The following POT1 variants were observed in gnomAD, a reference collection of about 807,000 sequenced individuals.
POT1 encodes the protein protection of telomeres protein 1.
Under a neutral mutation model 78.5 loss-of-function variants are expected in POT1, and 47 were observed. The ratio of observed to expected loss-of-function variants is 0.60; its 90% CI spans 0.47 to 0.76. The LOEUF (loss-of-function observed/expected upper bound fraction) is 0.76, where lower values mean the gene tolerates loss of function less well. POT1 is among the 30% of genes least tolerant of loss of function. The pLI is 0.00. For synonymous variants in POT1, 259 were observed against 260.7 expected, an observed-to-expected ratio of 0.99 and a Z score of 0.06; for missense variants, 646 against 749.9, an observed-to-expected ratio of 0.86 and a Z score of 1.62.
chr7:124,830,235 TTGAA>T (rs760035847), intron 15 of POT1, among the ~76,000 whole-genome samples: 98 of 152,368 alleles, frequency 6.4e-4, no homozygotes, highest in Non-Finnish European at 1.2e-3. Flanking sequence ...TTTGCTTTAC[TTGAA>T]TACCAACATA....
chr7:124,885,740 T>C (rs1380025871), intron 6 of POT1, among the ~76,000 whole-genome samples: 3 of 151,802 alleles, frequency 2.0e-5, no homozygotes, highest in East Asian at 1.9e-4. Flanking sequence ...CACTCCAGCC[T>C]GGGTGACAGA....
At chr7:124,913,897 AG>A (rs1445219393) in intron 3 of POT1, among the ~76,000 whole-genome samples, 3 of 152,104 alleles carry the variant, frequency 2.0e-5, no homozygotes, top group Non-Finnish European at 2.9e-5. Context: ...GCACTTTGGG[AG>A]GCCGAGGTGG....
intron 3 of POT1, among the ~76,000 whole-genome samples, chr7:124,912,748 C>T (rs1904975): frequency 0.6 from 91,310 of 151,850 alleles, 27,581 homozygotes; most frequent in African/African-American, 0.65. Context: ...CTATTTCCTT[C>T]AGGAAGCACA....
chr7:124,846,162 G>GACACACACACAT (rs1554421674), intron 12 of POT1, among the ~76,000 whole-genome samples: 1 of 148,718 alleles, frequency 6.7e-6, no homozygotes, highest in Non-Finnish European at 1.5e-5. Flanking sequence ...CATTCATACT[G>GACACACACACAT]ACACACACAC....
chr7:124,873,684 T>C (rs1042129368), intron 6 of POT1, among the ~76,000 whole-genome samples: 38 of 152,166 alleles, frequency 2.5e-4, no homozygotes, highest in African/African-American at 8.9e-4. Context: ...TAGTTCTCCA[T>C]TGAATGTTTG....
At chr7:124,857,430 C>T (rs969678242) in intron 9 of POT1, among the ~76,000 whole-genome samples, 14 of 152,216 alleles carry the variant, frequency 9.2e-5, no homozygotes, top group African/African-American at 2.7e-4. Flanking sequence ...AAAGTGAGAA[C>T]TTACATCCCT....
chr7:124,846,092 T>A lies in POT1; in HGVS notation c.1006+850A>T, dbSNP rs183970752. On this transcript the variant is annotated intron_variant, in intron 12 of 18. Transcript: ENST00000357628. ...GAGCACCAGGTGTGCTTATGGCAAC[T>A]GGAGTGCTGCTGCCTCTATGCTTTT... Among the ~76,000 whole-genome samples, 363 of 152,126 alleles carry A rather than the reference T, an allele frequency of 2.4e-3. 2 individuals are homozygous for A. The highest frequency in any genetic ancestry group is 6.6e-3 in the Admixed American group (101 of 15,268).
At chr7:124,901,854 A>G (rs1235297963) in intron 3 of POT1, among the ~76,000 whole-genome samples, 1 of 152,186 alleles carries the variant, frequency 6.6e-6, no homozygotes, top group Non-Finnish European at 1.5e-5. Flanking sequence ...GTGGAAAACC[A>G]TGGCACAAGA....
intron 6 of POT1, among the ~76,000 whole-genome samples, chr7:124,883,747 T>C (rs1207952484): frequency 6.6e-6 from 1 of 152,002 alleles, no homozygotes; most frequent in Non-Finnish European, 1.5e-5. Context: ...TTCTATAACT[T>C]GTCATCACAT....
At chr7:124,861,414 T>C (rs924431045) in intron 8 of POT1, among the ~76,000 whole-genome samples, 1 of 152,248 alleles carries the variant, frequency 6.6e-6, no homozygotes, top group African/African-American at 2.4e-5. Flanking sequence ...TTTTGAGAAG[T>C]GTCTGTTCAT....
intron 6 of POT1, among the ~76,000 whole-genome samples, chr7:124,872,482 CTGTT>C (rs1361778009): frequency 6.6e-6 from 1 of 152,180 alleles, no homozygotes; most frequent in Non-Finnish European, 1.5e-5. Flanking sequence ...CGCTCCCTGC[CTGTT>C]TGTCACTTAG....
intron 9 of POT1, chr7:124,858,671 A>C (rs1795505047): frequency 5.1e-6 from 1 of 197,532 alleles, no homozygotes. Flanking sequence ...ATTCTAAAGC[A>C]GTATTATCTC....
chr7:124,903,433 A>G (rs923067977), intron 3 of POT1, among the ~76,000 whole-genome samples: 5 of 152,260 alleles, frequency 3.3e-5, no homozygotes, highest in Non-Finnish European at 5.9e-5. Context: ...TACTGGGTAC[A>G]TAACAAAATG....
intron 5 of POT1, among the ~76,000 whole-genome samples, chr7:124,895,963 C>A (rs1195549873): frequency 3.3e-5 from 5 of 151,460 alleles, no homozygotes; most frequent in African/African-American, 1.2e-4. Flanking sequence ...AAATGATTAC[C>A]CTGAGTCACT....
intron 8 of POT1, among the ~76,000 whole-genome samples, chr7:124,860,817 C>T (rs1795573881): frequency 6.6e-6 from 1 of 151,908 alleles, no homozygotes; most frequent in Non-Finnish European, 1.5e-5. Context: ...TCCATGTGTT[C>T]TCATTGTTCA....
intron 6 of POT1, among the ~76,000 whole-genome samples, chr7:124,874,153 T>C (rs943213221): frequency 6.6e-6 from 1 of 152,214 alleles, no homozygotes; most frequent in Non-Finnish European, 1.5e-5. Flanking sequence ...ACTCATTAAC[T>C]GGGAAGTGGT....
chr7:124,879,925 C>A (rs1796079155), intron 6 of POT1, among the ~76,000 whole-genome samples: 1 of 152,114 alleles, frequency 6.6e-6, no homozygotes, highest in South Asian at 2.1e-4. Context: ...TGACATCCAA[C>A]TAACACCCTC....
At chr7:124,831,470 A>G (rs1371795420) in intron 15 of POT1, among the ~76,000 whole-genome samples, 3 of 152,202 alleles carry the variant, frequency 2.0e-5, no homozygotes, top group Admixed American at 1.3e-4. Flanking sequence ...CTTACTGTGT[A>G]AAATGTTCTC....
chr7:124,920,102 A>G (rs1367609989), intron 2 of POT1, among the ~76,000 whole-genome samples: 1 of 152,206 alleles, frequency 6.6e-6, no homozygotes, highest in African/African-American at 2.4e-5. Flanking sequence ...ACCTTTACTC[A>G]AATGAAATAA....
Sources: gnomAD v4.1 joint callset for allele counts (sites outside exome capture counted in the v4.1 genomes callset) on GRCh38, gnomAD v4.1.1 for gene constraint, MANE v1.5 for transcripts, NCBI Gene and HGNC (gene_info 2026-07-23, HGNC 2026-07-21) for gene names.